Variants in BSPH1 observed in about 807,000 individuals in gnomAD.
The protein encoded by BSPH1 is binder of sperm 1.
A neutral mutation model predicts 22.5 loss-of-function variants in BSPH1; 21 were observed. The observed-to-expected ratio is 0.93, with a 90% confidence interval of 0.66 to 1.35. The LOEUF is 1.35. Among genes scored for constraint, BSPH1 ranks in the 40% most tolerant of loss-of-function variants. The pLI is 0.00. For synonymous variants in BSPH1, 42 were observed against 53.6 expected (o/e 0.78, Z 0.95); for missense variants, 141 against 154.2 (o/e 0.91, Z 0.45).
At chr19:47,988,150 G>A (rs946253803) in intron 1 of BSPH1, among the ~76,000 whole-genome samples, 10 of 152,074 alleles carry the variant, frequency 6.6e-5, no homozygotes, top group Non-Finnish European at 2.9e-5. Flanking sequence ...GACAAATATT[G>A]CACGATTCCA....
At chr19:47,972,279 TC>T (rs368608873) in intron 5 of BSPH1, among the ~76,000 whole-genome samples, 148 of 120,720 alleles carry the variant, frequency 1.2e-3, no homozygotes, top group African/African-American at 3.6e-3. Flanking sequence ...ACCTTGATAT[TC>T]TTTTTTTTTT....
At chr19:47,968,452 C>T (rs763830072) in intron 5 of BSPH1, among the ~76,000 whole-genome samples, 55 of 151,078 alleles carry the variant, frequency 3.6e-4, no homozygotes, top group Non-Finnish European at 6.3e-4. Flanking sequence ...CTGCTTCCCG[C>T]GTTCAAATGA....
intron 1 of BSPH1, among the ~76,000 whole-genome samples, chr19:47,982,446 C>T (rs1343548515): frequency 6.6e-6 from 1 of 152,320 alleles, no homozygotes; most frequent in East Asian, 1.9e-4. Flanking sequence ...GCTAAATTGT[C>T]CTGGCTGCCA....
chr19:47,980,349 A>G, intron 2 of BSPH1: 1 of 342,880 alleles, frequency 2.9e-6, no homozygotes, highest in South Asian at 1.2e-4. Flanking sequence ...GGCATTTTCT[A>G]TTTCCTTCTT....
chr19:47,988,643 C>T (rs1054711470), intron 1 of BSPH1, among the ~76,000 whole-genome samples: 5 of 152,052 alleles, frequency 3.3e-5, no homozygotes, highest in Middle Eastern at 3.2e-3. Flanking sequence ...TTAGCACAAA[C>T]GTTTGTTGAC....
intron 2 of BSPH1, chr19:47,980,554 C>T (rs527260401): frequency 5.4e-4 from 86 of 159,520 alleles, no homozygotes; most frequent in Admixed American, 1.9e-3. Flanking sequence ...CTGCAAGCTC[C>T]GCCTCCTAGG....
chr19:47,974,025 T>C (rs1969336385), intron 5 of BSPH1, among the ~76,000 whole-genome samples: 1 of 152,036 alleles, frequency 6.6e-6, no homozygotes, highest in Non-Finnish European at 1.5e-5. Context: ...TGTGGTGAAA[T>C]CTCATAATTT....
At chr19:47,988,736 G>A (rs536513266) in intron 1 of BSPH1, among the ~76,000 whole-genome samples, 5 of 152,090 alleles carry the variant, frequency 3.3e-5, no homozygotes, top group Admixed American at 6.6e-5. Context: ...CTGGGTGCAC[G>A]AAGCATGTCC....
chr19:47,978,520 T>A (rs915070695), intron 3 of BSPH1, among the ~76,000 whole-genome samples: 2 of 152,232 alleles, frequency 1.3e-5, no homozygotes, highest in African/African-American at 2.4e-5. Context: ...ACATTTCACA[T>A]ATTTAAGTCC....
chr19:47,970,308 G>T (rs1016839470), intron 5 of BSPH1, among the ~76,000 whole-genome samples: 1 of 152,080 alleles, frequency 6.6e-6, no homozygotes, highest in Non-Finnish European at 1.5e-5. Context: ...ATCCACCTAC[G>T]TCAGCCTCCC....
At chr19:47,971,470 T>G (rs57371533) in intron 5 of BSPH1, among the ~76,000 whole-genome samples, 15,134 of 152,270 alleles carry the variant, frequency 0.099, 915 homozygotes, top group East Asian at 0.28. Flanking sequence ...CCTCCCAAAG[T>G]GCTGGGATGA....
chr19:47,984,709 G>T lies in BSPH1; in HGVS notation c.74-3768C>A, dbSNP rs1025355923. Among the ~76,000 whole-genome samples the T allele has an allele frequency of 2.0e-5, 3 of 152,180 alleles. No homozygotes were observed. The South Asian group carries it at 6.2e-4, about 32-fold the overall frequency. On this transcript the variant is annotated intron_variant, in intron 1 of 5. Coordinates refer to ENST00000344839, the MANE Select transcript of BSPH1 (RefSeq NM_001128326.2). The stretch of plus-strand genomic sequence containing the variant: ...GGGAACTAAACATTGGGTGCACAGG[G>T]ACACAAAGATGGGAACAATAGGCAC...
At chr19:47,967,783 C>T (rs569438115), downstream of BSPH1, among the ~76,000 whole-genome samples, 2 of 152,266 alleles carry the variant, frequency 1.3e-5, no homozygotes, top group African/African-American at 4.8e-5. Context: ...CAGTTCAGCC[C>T]ATAACAACAT....
chr19:47,971,232 C>G (rs1969308319), intron 5 of BSPH1, among the ~76,000 whole-genome samples: 1 of 152,136 alleles, frequency 6.6e-6, no homozygotes, highest in Non-Finnish European at 1.5e-5. Flanking sequence ...GAGATGGGGT[C>G]TTGCTCTATC....
At position 47,978,001 on chromosome 19, in the gene BSPH1, GATATAT is replaced by G. The variant is rs10609973; in HGVS notation, c.125-503_125-498del. Among the ~76,000 whole-genome samples the G allele has an allele frequency of 9.7e-4, 107 of 110,446 alleles. No individual in the cohort carries two copies. The East Asian group carries it at 0.01, about 11-fold the overall frequency. 72.5% of individuals were successfully genotyped at this position (110,446 alleles called of 152,430 possible). ...TATATATGCTGTATGGTTAATACAG[GATATAT>G]ATATATATATATATATATATATAGT... On this transcript the variant is annotated intron_variant, in intron 3 of 5. Coordinates refer to ENST00000344839, the MANE Select transcript of BSPH1 (RefSeq NM_001128326.2).
chr19:47,973,179 T>C (rs771339263), intron 5 of BSPH1, among the ~76,000 whole-genome samples: 1 of 150,556 alleles, frequency 6.6e-6, no homozygotes, highest in Non-Finnish European at 1.5e-5. Flanking sequence ...ATCGCGCCAC[T>C]GCACTCCAGC....
intron 3 of BSPH1, among the ~76,000 whole-genome samples, chr19:47,978,556 T>G (rs866153151): frequency 6.6e-6 from 1 of 152,252 alleles, no homozygotes; most frequent in African/African-American, 2.4e-5. Context: ...TTTGTTTCTA[T>G]AGAATCCCCA....
intron 2 of BSPH1, 45 bp from the exon 3 acceptor site, chr19:47,979,644 G>T: frequency 1.1e-6 from 1 of 905,716 alleles, no homozygotes; most frequent in South Asian, 2.0e-5. Context: ...ACTATTATTA[G>T]GCTTTAAAAT....
At chr19:47,985,710 C>T (rs1228857522) in intron 1 of BSPH1, among the ~76,000 whole-genome samples, 1 of 151,950 alleles carries the variant, frequency 6.6e-6, no homozygotes, top group Non-Finnish European at 1.5e-5. Context: ...TGGTGTGCGC[C>T]TATAATCCCA....
Sources: gnomAD v4.1 joint callset for allele counts (sites outside exome capture counted in the v4.1 genomes callset) on GRCh38, gnomAD v4.1.1 for gene constraint, MANE v1.5 for transcripts, NCBI Gene and HGNC (gene_info 2026-07-23, HGNC 2026-07-21) for gene names.